The following CHCHD6 variants were observed in gnomAD, a reference collection of about 807,000 sequenced individuals.
CHCHD6 encodes the protein MICOS complex subunit MIC25.
A neutral mutation model predicts 32.3 loss-of-function variants in CHCHD6; 28 were observed. The ratio of observed to expected loss-of-function variants is 0.87; its 90% CI spans 0.64 to 1.19. The LOEUF is 1.19. CHCHD6 is among the 50% of genes most tolerant of loss of function. The pLI, the probability that CHCHD6 is intolerant of heterozygous loss-of-function variation, is 0.00. For synonymous variants in CHCHD6, 122 were observed against 117.5 expected (o/e 1.04, Z -0.25); for missense variants, 333 against 307.0 (o/e 1.08, Z -0.63).
intron 5 of CHCHD6, among the ~76,000 whole-genome samples, chr3:126,888,518 A>G (rs187188670): frequency 8.3e-4 from 126 of 152,310 alleles, no homozygotes; most frequent in Middle Eastern, 3.4e-3. Context: ...ACTAGGGTCA[A>G]TAAGGGATGT....
At chr3:126,780,117 T>C (rs1014012989) in intron 4 of CHCHD6, among the ~76,000 whole-genome samples, 8 of 152,234 alleles carry the variant, frequency 5.3e-5, no homozygotes, top group Non-Finnish European at 5.9e-5. Flanking sequence ...CTCAGTGTGA[T>C]GCATCTGTGT....
At chr3:126,865,472 C>A in intron 5 of CHCHD6, 2 of 681,944 alleles carry the variant, frequency 2.9e-6, no homozygotes, top group Non-Finnish European at 3.6e-6. Flanking sequence ...CCTACACTTT[C>A]ATCAACTCCA....
At chr3:126,716,042 G>C (rs1387145926) in intron 1 of CHCHD6, among the ~76,000 whole-genome samples, 1 of 152,136 alleles carries the variant, frequency 6.6e-6, no homozygotes, top group Admixed American at 6.5e-5. Context: ...TTGCACTGTT[G>C]TGGTGGTTTC....
At chr3:126,805,179 T>A (rs1420369340) in intron 4 of CHCHD6, among the ~76,000 whole-genome samples, 1 of 152,126 alleles carries the variant, frequency 6.6e-6, no homozygotes, top group Non-Finnish European at 1.5e-5. Context: ...CTATTCAACA[T>A]AGTGTTGGAA....
intron 4 of CHCHD6, among the ~76,000 whole-genome samples, chr3:126,818,397 C>G (rs1236564771): frequency 6.6e-6 from 1 of 152,164 alleles, no homozygotes. Flanking sequence ...TTCTAAGTCT[C>G]CCAGAGGTGA....
intron 4 of CHCHD6, among the ~76,000 whole-genome samples, chr3:126,845,197 G>A (rs536725100): frequency 2.0e-5 from 3 of 152,146 alleles, no homozygotes. Flanking sequence ...CAGCCATCTT[G>A]ATGTTTGATT....
chr3:126,957,834 C>G (rs2078808429), intron 7 of CHCHD6: 1 of 523,844 alleles, frequency 1.9e-6, no homozygotes. Context: ...AAGTCAGGCC[C>G]CACCTTCAAG....
intron 5 of CHCHD6, among the ~76,000 whole-genome samples, chr3:126,911,547 G>T (rs189457644): frequency 1.3e-5 from 2 of 152,380 alleles, no homozygotes; most frequent in African/African-American, 4.8e-5. Flanking sequence ...TTAGATGAGT[G>T]GGGTAGGCGG....
chr3:126,758,227 G>A (rs959117330), intron 4 of CHCHD6, among the ~76,000 whole-genome samples: 3 of 152,212 alleles, frequency 2.0e-5, no homozygotes, highest in African/African-American at 4.8e-5. Context: ...GGCCATCAGC[G>A]CCCATCAGCA....
chr3:126,818,993 A>C (rs919206350), intron 4 of CHCHD6, among the ~76,000 whole-genome samples: 21 of 152,238 alleles, frequency 1.4e-4, no homozygotes, highest in African/African-American at 5.1e-4. Flanking sequence ...TGAAGCTGCC[A>C]GAATGATAGC....
At chr3:126,953,053 G>C in intron 6 of CHCHD6, 1 of 985,486 alleles carries the variant, frequency 1.0e-6, no homozygotes, top group Non-Finnish European at 1.2e-6. Flanking sequence ...AGCATGTTCT[G>C]ACCGGGCCGT....
intron 4 of CHCHD6, among the ~76,000 whole-genome samples, chr3:126,754,984 A>T (rs566098543): frequency 2.0e-5 from 3 of 152,280 alleles, no homozygotes; most frequent in Admixed American, 6.5e-5. Context: ...GAGTTGTCAT[A>T]TTCTAAAATC....
At chr3:126,940,557 G>A (rs953128323) in intron 6 of CHCHD6, among the ~76,000 whole-genome samples, 1 of 152,040 alleles carries the variant, frequency 6.6e-6, no homozygotes, top group Admixed American at 6.6e-5. Flanking sequence ...CTTCTAGAGG[G>A]AGTTTCTGGG....
chr3:126,895,575 T>C (rs2077826691), intron 5 of CHCHD6, among the ~76,000 whole-genome samples: 2 of 152,236 alleles, frequency 1.3e-5, no homozygotes, highest in Admixed American at 6.5e-5. Flanking sequence ...CCCTCTGTCT[T>C]GAGCAACAGA....
At chr3:126,830,573 T>C (rs1206788175) in intron 4 of CHCHD6, among the ~76,000 whole-genome samples, 1 of 152,202 alleles carries the variant, frequency 6.6e-6, no homozygotes, top group African/African-American at 2.4e-5. Flanking sequence ...TTCTTTGGGG[T>C]AGAAACCTTC....
chr3:126,773,316 A>G (rs1192601661), intron 4 of CHCHD6, among the ~76,000 whole-genome samples: 20 of 152,208 alleles, frequency 1.3e-4, no homozygotes, highest in South Asian at 2.1e-4. Flanking sequence ...AGTGCTTTGC[A>G]TCAGTCCTTC....
intron 6 of CHCHD6, among the ~76,000 whole-genome samples, chr3:126,924,338 T>C (rs1315401073): frequency 6.6e-6 from 1 of 152,176 alleles, no homozygotes; most frequent in Non-Finnish European, 1.5e-5. Flanking sequence ...TCGGAGAAGT[T>C]CAGGATTATA....
chr3:126,835,643 C>G (rs898227439), intron 4 of CHCHD6, among the ~76,000 whole-genome samples: 1 of 152,214 alleles, frequency 6.6e-6, no homozygotes, highest in Non-Finnish European at 1.5e-5. Context: ...CTTCTCTGAA[C>G]TCTTACTGTT....
chr3:126,708,024 A>C (rs918261338), intron 1 of CHCHD6, among the ~76,000 whole-genome samples: 1 of 152,230 alleles, frequency 6.6e-6, no homozygotes, highest in Admixed American at 6.5e-5. Context: ...AAAGACTCAA[A>C]GAGCTGCCAG....
Sources: allele counts gnomAD v4.1 joint callset (sites outside exome capture counted in the v4.1 genomes callset), GRCh38; gene constraint gnomAD v4.1.1; transcripts MANE v1.5; gene names NCBI Gene and HGNC (gene_info 2026-07-23, HGNC 2026-07-21).